Variants in CACNA1C observed in about 807,000 individuals in gnomAD.
CACNA1C encodes calcium voltage-gated channel subunit alpha1 C, also known as voltage-dependent L-type calcium channel subunit alpha-1C.
In CACNA1C, 30 loss-of-function variants were observed where a neutral mutation model predicts 229.0. The observed-to-expected ratio is 0.13, with a 90% CI of 0.10 to 0.18. CACNA1C has a LOEUF of 0.18. Among genes scored for constraint, CACNA1C ranks in the 10% least tolerant of loss-of-function variants. The pLI is 1.00. For missense variants in CACNA1C, 1,658 were observed against 2,845.0 expected, an observed-to-expected ratio of 0.58 and a Z score of 9.49; for synonymous variants, 1,114 against 1,132.5, an observed-to-expected ratio of 0.98 and a Z score of 0.33.
chr12:2,567,082 A>C (rs980639498), intron 12 of CACNA1C, among the ~76,000 whole-genome samples: 6 of 152,214 alleles, frequency 3.9e-5, no homozygotes, highest in African/African-American at 1.4e-4. Flanking sequence ...CGAGGGTCCC[A>C]CTAGCCAGGC....
At chr12:2,079,485 G>T (rs1219807168) in intron 1 of CACNA1C, among the ~76,000 whole-genome samples, 4 of 152,002 alleles carry the variant, frequency 2.6e-5, no homozygotes, top group Non-Finnish European at 4.4e-5. Context: ...CTCCTCACTG[G>T]CAGAGAGTTG....
intron 5 of CACNA1C, among the ~76,000 whole-genome samples, chr12:2,480,406 G>A (rs953800679): frequency 6.6e-6 from 1 of 152,156 alleles, no homozygotes; most frequent in South Asian, 2.1e-4. Context: ...ACCCTATTCT[G>A]CTTCTTTAAG....
intron 3 of CACNA1C, among the ~76,000 whole-genome samples, chr12:2,269,136 C>T (rs568245576): frequency 6.6e-6 from 1 of 152,298 alleles, no homozygotes; most frequent in African/African-American, 2.4e-5. Context: ...TACAAAATGC[C>T]TCCGCGTCTA....
In CACNA1C at chr12:2,054,807, C is replaced by G. The variant is rs937478638; in HGVS notation, c.49+1196C>G. On this transcript the variant is annotated intron_variant, in intron 1 of 46. Coordinates refer to ENST00000399655, the MANE Select transcript of CACNA1C (RefSeq NM_000719.7). This position sits in a 1 kb window ranked among gnomAD's most constrained non-coding sequence, Gnocchi z 5.5. ...CTCTTCTCTTCCCCTGAAAGCCTAT[C>G]TGTCACTGCTGGTCTCTGTTCCTTC... 1.3e-5 allele frequency among the ~76,000 whole-genome samples: 2 copies of G among 152,216 alleles called. No individual in the cohort carries two copies. Among genetic ancestry groups the G allele is most frequent in the Non-Finnish European group, 2.9e-5 (2 of 68,040 alleles).
intron 3 of CACNA1C, among the ~76,000 whole-genome samples, chr12:2,212,861 C>T (rs1294556654): frequency 6.6e-6 from 1 of 152,126 alleles, no homozygotes; most frequent in African/African-American, 2.4e-5. Context: ...GAACTGGACA[C>T]CATGCATTTT....
At chr12:2,318,901 G>C (rs2095828956) in intron 3 of CACNA1C, among the ~76,000 whole-genome samples, 1 of 148,782 alleles carries the variant, frequency 6.7e-6, no homozygotes, top group Admixed American at 6.6e-5. Context: ...AGAGAATGGA[G>C]AGAGAGAAGG....
chr12:2,516,698 G>A (rs2099797554), intron 9 of CACNA1C, among the ~76,000 whole-genome samples: 2 of 152,202 alleles, frequency 1.3e-5, no homozygotes. Flanking sequence ...TGGATATGGG[G>A]AAGTCTGTGA....
At chr12:2,627,600 A>G (rs1212158231) in intron 29 of CACNA1C, among the ~76,000 whole-genome samples, 1 of 152,026 alleles carries the variant, frequency 6.6e-6, no homozygotes, top group African/African-American at 2.4e-5. Flanking sequence ...TGCTCTCTCC[A>G]GTGCTTGCTC....
At chr12:2,170,636 T>A (rs1023989608) in intron 3 of CACNA1C, among the ~76,000 whole-genome samples, 2 of 152,260 alleles carry the variant, frequency 1.3e-5, no homozygotes, top group Admixed American at 6.5e-5. Context: ...GTCTCCTGGC[T>A]CCTGCTCCCT....
chr12:2,572,297 T>TCC (rs2054961115), intron 13 of CACNA1C, among the ~76,000 whole-genome samples: 1 of 111,804 alleles, frequency 8.9e-6, no homozygotes, highest in Non-Finnish European at 1.8e-5. Flanking sequence ...TTGATTATTA[T>TCC]TCCTCCTCCT....
chr12:2,101,208 G>T (rs2076295154), intron 1 of CACNA1C, among the ~76,000 whole-genome samples: 1 of 152,164 alleles, frequency 6.6e-6, no homozygotes, highest in East Asian at 1.9e-4. Flanking sequence ...CGGGCTTCTA[G>T]GTTGTCTTCA....
At chr12:2,474,756 C>CAAAAAA in intron 5 of CACNA1C, among the ~76,000 whole-genome samples, 1 of 99,860 alleles carries the variant, frequency 1.0e-5, no homozygotes, top group East Asian at 2.4e-4. Flanking sequence ...AACTCCATCT[C>CAAAAAA]AAAAAAAAAA....
chr12:2,116,879 G>A (rs2299664), intron 2 of CACNA1C, among the ~76,000 whole-genome samples: 94,346 of 152,090 alleles, frequency 0.62, 30,647 homozygotes, highest in Non-Finnish European at 0.72. Flanking sequence ...AGGCTTCATC[G>A]ATGAGTTTCT....
At chr12:2,125,748 C>T (rs934915619) in intron 3 of CACNA1C, among the ~76,000 whole-genome samples, 1 of 152,128 alleles carries the variant, frequency 6.6e-6, no homozygotes, top group Non-Finnish European at 1.5e-5. Flanking sequence ...AGAACAGTGA[C>T]CTAGAATGTT....
chr12:2,414,391 C>T (rs115635794), intron 3 of CACNA1C, among the ~76,000 whole-genome samples: 2 of 152,128 alleles, frequency 1.3e-5, no homozygotes, highest in Non-Finnish European at 2.9e-5. Context: ...AAGGTGAAGT[C>T]GTACATAAGC....
Position 2,597,618 on chromosome 12 carries a change from A to C in CACNA1C, c.2853+329A>C. On this transcript the variant is annotated intron_variant, in intron 21 of 46. Coordinates refer to ENST00000399655, the MANE Select transcript of CACNA1C (RefSeq NM_000719.7). The surrounding 1 kb of genome is among the most constrained non-coding windows in gnomAD (Gnocchi z 4.3). ...TCTTTTCTTTACTCCCAAGCCTGAA[A>C]TTGGAAAAATGAGTGCCCCTCACTT... 1.6e-5 allele frequency: 12 copies of C among 763,760 alleles called. No homozygotes were observed. The highest frequency in any genetic ancestry group is 2.7e-5 in the Non-Finnish European group (12 of 446,240). The allele number at this position is 763,760 out of a possible 1,614,324, so 47.3% of individuals were successfully genotyped here. A position where few individuals can be genotyped will look rare whatever the true frequency, so the allele number is the denominator to read the frequency against.
At position 2,153,205 on chromosome 12, in the gene CACNA1C, C is replaced by A. The variant is rs558922381; in HGVS notation, c.477+32775C>A. Among the ~76,000 whole-genome samples the A allele has an allele frequency of 2.0e-4, 30 of 152,260 alleles. No individual in the cohort carries two copies. The Middle Eastern group carries it at 0.02, about 104-fold the overall frequency. ...TTCCTGCAAAGCCTATTGGGACTTG[C>A]CTGAGGAATTGGCCCTTATCCTTGA... is the stretch of plus-strand genomic sequence containing the variant. On this transcript the variant is annotated intron_variant, in intron 3 of 46. Transcript: ENST00000399655.
chr12:2,074,002 G>A (rs1408285239), intron 1 of CACNA1C, among the ~76,000 whole-genome samples: 2 of 152,188 alleles, frequency 1.3e-5, no homozygotes, highest in Admixed American at 1.3e-4. Flanking sequence ...CTAGGCAGGA[G>A]TGAAGGTAAG....
chr12:2,043,412 G>A (rs1489231376), intron 1 of CACNA1C, among the ~76,000 whole-genome samples: 1 of 152,152 alleles, frequency 6.6e-6, no homozygotes, highest in Non-Finnish European at 1.5e-5. Flanking sequence ...AGGGACTCAG[G>A]GTTGATGGAT....
Sources: gnomAD v4.1 joint callset for allele counts (sites outside exome capture counted in the v4.1 genomes callset) on GRCh38, gnomAD v4.1.1 for gene constraint, Gnocchi (gnomAD v3.1) non-coding constraint, MANE v1.5 for transcripts, NCBI Gene and HGNC (gene_info 2026-07-23, HGNC 2026-07-21) for gene names.